Variants in MTFMT observed in about 807,000 individuals in gnomAD.
The protein encoded by MTFMT is methionyl-tRNA formyltransferase, mitochondrial.
Under a neutral mutation model 51.8 loss-of-function variants are expected in MTFMT, and 47 were observed. The ratio of observed to expected loss-of-function variants is 0.91; its 90% CI spans 0.72 to 1.16. The LOEUF (loss-of-function observed/expected upper bound fraction) is 1.16. Ranked by LOEUF, MTFMT falls within the 50% of genes most tolerant of loss-of-function variation. The pLI, the probability that MTFMT is intolerant of heterozygous loss-of-function variation, is 0.00. For missense variants in MTFMT, 512 were observed against 482.3 expected (o/e 1.06, Z -0.58); for synonymous variants, 196 against 176.7 (o/e 1.11, Z -0.87).
intron 6 of MTFMT, among the ~76,000 whole-genome samples, chr15:65,014,888 T>TC (rs1443283457): frequency 6.6e-6 from 1 of 151,356 alleles, no homozygotes; most frequent in Non-Finnish European, 1.5e-5. Flanking sequence ...TGCCTCAGCC[T>TC]CCCAAAGTGC....
At chr15:65,016,606 G>A (rs2086324254) in intron 5 of MTFMT, 79 bp from the exon 6 acceptor site, 1 of 817,960 alleles carries the variant, frequency 1.2e-6, no homozygotes. Flanking sequence ...CTGAATAAGA[G>A]ATACCAGAGA....
At chr15:65,005,363 C>T (rs1333438171) in intron 7 of MTFMT, among the ~76,000 whole-genome samples, 1 of 152,228 alleles carries the variant, frequency 6.6e-6, no homozygotes, top group Non-Finnish European at 1.5e-5. Context: ...CTCTGTGGCT[C>T]ACATTCCTTC....
rs914629878 is a variant in MTFMT at position 65,029,504 on chromosome 15, C to T, written c.110G>A (p.Cys37Tyr). The change falls in exon 1 of 9, where the codon TGC (cysteine) becomes TAC (tyrosine). Residue 37 changes from cysteine to tyrosine, a missense_variant. By Grantham distance (194) the Cys-to-Tyr change is radical. Coordinates refer to ENST00000220058, the MANE Select transcript of MTFMT (RefSeq NM_139242.4). Reference protein sequence around the residue: ...RALARLGWEDCRDSRVREKPP... With the variant: ...RALARLGWEDYRDSRVREKPP... ...CTTCTCGCGGACTCTGGAGTCCCGGCAGTCCTCCCAGCCGAGTCGGGCCAG... is the reference window on the plus strand; with the variant it reads ...CTTCTCGCGGACTCTGGAGTCCCGGTAGTCCTCCCAGCCGAGTCGGGCCAG... 4 of 1,532,010 alleles carry T rather than the reference C, an allele frequency of 2.6e-6. No individual in the cohort carries two copies. The highest frequency in any genetic ancestry group is 3.5e-6 in the Non-Finnish European group (4 of 1,141,134). The allele number at this position is 1,532,010 out of a possible 1,614,324, so 94.9% of individuals were successfully genotyped here.
chr15:65,016,151 C>T (rs944668034), intron 6 of MTFMT: 1 of 181,076 alleles, frequency 5.5e-6, no homozygotes, highest in Non-Finnish European at 1.1e-5. Context: ...CATCTCATTT[C>T]TTTCCCCTCA....
Position 65,027,012 on chromosome 15 carries a change from T to C in MTFMT, c.238A>G (p.Lys80Glu). ...RENKEEELID[K>E]LEVVTMPSPS... ...GAAGGCATTGTGACCACCTCCAGTTTGTCGATTAACTCTTCTTCTTTGTTT... is the reference window on the plus strand; with the variant it reads ...GAAGGCATTGTGACCACCTCCAGTTCGTCGATTAACTCTTCTTCTTTGTTT... Residue 80 changes from lysine (K) to glutamate (E), a missense_variant, in exon 2 of 9, where the codon AAA becomes GAA. Coordinates refer to ENST00000220058, the MANE Select transcript of MTFMT (RefSeq NM_139242.4). The C allele has an allele frequency of 6.2e-7, 1 of 1,613,922 alleles. No individual in the cohort carries two copies. The highest frequency in any genetic ancestry group is 2.2e-5 in the East Asian group (1 of 44,886).
intron 7 of MTFMT, among the ~76,000 whole-genome samples, chr15:65,005,440 C>CT (rs1319207617): frequency 2.6e-5 from 4 of 152,126 alleles, no homozygotes; most frequent in Non-Finnish European, 5.9e-5. Flanking sequence ...TATGAATACA[C>CT]TCTGGCCTAG....
At chr15:65,026,663 G>A (rs2086426870) in intron 2 of MTFMT, 168 bp downstream of exon 2, 1 of 642,338 alleles carries the variant, frequency 1.6e-6, no homozygotes, top group Non-Finnish European at 2.6e-6. Flanking sequence ...GAACCTGGCA[G>A]AGAAATTCAT....
chr15:65,021,252 T>C (rs1212416802), intron 4 of MTFMT, among the ~76,000 whole-genome samples: 1 of 152,228 alleles, frequency 6.6e-6, no homozygotes, highest in Non-Finnish European at 1.5e-5. Context: ...AAGAATAGTC[T>C]AAGACCTCAC....
intron 5 of MTFMT, among the ~76,000 whole-genome samples, chr15:65,017,524 T>TA (rs1396677989): frequency 6.6e-6 from 1 of 151,988 alleles, no homozygotes; most frequent in African/African-American, 2.4e-5. Context: ...TATGCCACCA[T>TA]AAAAAACAAA....
chr15:65,016,643 T>G (rs12912782), intron 5 of MTFMT, 116 bp from the exon 6 acceptor site: 3 of 513,056 alleles, frequency 5.8e-6, no homozygotes, highest in East Asian at 6.5e-5. Flanking sequence ...CAACTTTTCT[T>G]TATGTTCAAA....
chr15:65,023,054 G>A (rs986049650), intron 3 of MTFMT, among the ~76,000 whole-genome samples: 1 of 152,090 alleles, frequency 6.6e-6, no homozygotes, highest in Non-Finnish European at 1.5e-5. Flanking sequence ...GTTTTCTGAA[G>A]TAAGTTAAAG....
chr15:65,027,322 C>T (rs866945949), intron 1 of MTFMT, among the ~76,000 whole-genome samples: 3 of 151,794 alleles, frequency 2.0e-5, no homozygotes, highest in South Asian at 2.1e-4. Context: ...CTCAGTCTCC[C>T]GAATAGCTGG....
chr15:65,024,115 T>C (rs2086400009), intron 2 of MTFMT, among the ~76,000 whole-genome samples: 1 of 151,944 alleles, frequency 6.6e-6, no homozygotes, highest in South Asian at 2.1e-4. Flanking sequence ...TCACTTGAGA[T>C]CGGGAGTTTG....
chr15:65,011,743 G>C (rs1405711811), intron 6 of MTFMT, among the ~76,000 whole-genome samples: 2 of 151,974 alleles, frequency 1.3e-5, no homozygotes, highest in African/African-American at 4.8e-5. Flanking sequence ...CAGTCCTCCT[G>C]TCTCAGCCTC....
At chr15:65,016,391 T>C (rs374945555) in intron 6 of MTFMT, 45 bp downstream of exon 6, 12 of 1,214,748 alleles carry the variant, frequency 9.9e-6, no homozygotes, top group Non-Finnish European at 1.4e-5. Flanking sequence ...ATTACACACA[T>C]AGAAAACCAA....
intron 2 of MTFMT, among the ~76,000 whole-genome samples, chr15:65,024,125 G>GA (rs2086400189): frequency 6.6e-6 from 1 of 152,120 alleles, no homozygotes; most frequent in African/African-American, 2.4e-5. Context: ...TCGGGAGTTT[G>GA]AGACCAGCCG....
rs2086208846 is a variant in MTFMT, at chr15:65,004,873, A to G, written c.956T>C (p.Ile319Thr). ...ACATACCTTGCAATAAACCAATAGT[A>G]TTTGTGACTGTTTGTGGTATATTAC... ...GSVIYHKQSQ[I>T]LLVYCKDGWI... is the part of the protein sequence containing the mutation. Residue 319 changes from isoleucine (I) to threonine (T), a missense_variant, in exon 8 of 9, where the codon ATA (isoleucine) becomes ACA (threonine). By Grantham distance (89) the Ile-to-Thr change is moderately conservative. Coordinates refer to ENST00000220058, the MANE Select transcript of MTFMT (RefSeq NM_139242.4). 6.2e-7 allele frequency: 1 copy of G among 1,606,826 alleles called. No homozygotes were observed. Among genetic ancestry groups the G allele is most frequent in the Non-Finnish European group, 8.5e-7 (1 of 1,175,112 alleles).
intron 2 of MTFMT, chr15:65,026,446 T>G (rs1224002651): frequency 4.1e-6 from 1 of 246,452 alleles, no homozygotes; most frequent in Non-Finnish European, 8.4e-6. Flanking sequence ...ATACCCTCTT[T>G]TCTTGTCTAT....
chr15:65,026,894 T>C lies in MTFMT; in HGVS notation c.356A>G (p.Asp119Gly). 1 of 1,613,984 alleles carries C rather than the reference T, an allele frequency of 6.2e-7. No homozygotes were observed. The highest frequency in any genetic ancestry group is 2.2e-5 in the East Asian group (1 of 44,876). Reference sequence around the variant, plus strand: ...GCCAAACGAAGCCACTACTCCAACATCATATTCTCCAGATCCCACATCCGG... The same window carrying C: ...GCCAAACGAAGCCACTACTCCAACACCATATTCTCCAGATCCCACATCCGG... ...EWPDVGSGEY[D>G]VGVVASFGRL... is the part of the protein sequence containing the mutation. Residue 119 changes from aspartate (D) to glycine (G), a missense_variant, in exon 2 of 9, where the codon GAT becomes GGT. Physicochemically the swap from Asp to Gly is moderately conservative, Grantham distance 94. Coordinates refer to ENST00000220058, the MANE Select transcript of MTFMT (RefSeq NM_139242.4).
Sources: gnomAD v4.1 joint callset for allele counts (sites outside exome capture counted in the v4.1 genomes callset) on GRCh38, gnomAD v4.1.1 for gene constraint, MANE v1.5 for transcripts, NCBI Gene and HGNC (gene_info 2026-07-23, HGNC 2026-07-21) for gene names.